The following XYLT1 variants were observed in gnomAD, a reference collection of about 807,000 sequenced individuals.
XYLT1 encodes xylosyltransferase 1.
Under a neutral mutation model 91.3 loss-of-function variants are expected in XYLT1, and 36 were observed. The observed-to-expected ratio is 0.39, with a 90% CI of 0.30 to 0.52. XYLT1 has a LOEUF of 0.52. Ranked by LOEUF, XYLT1 falls within the 20% of genes least tolerant of loss-of-function variation. XYLT1 has a pLI of 0.68. For synonymous variants in XYLT1, 588 were observed against 532.0 expected, an observed-to-expected ratio of 1.11 and a Z score of -1.45; for missense variants, 1,242 against 1,284.5, an observed-to-expected ratio of 0.97 and a Z score of 0.51.
chr16:17,241,944 C>A (rs895042437), intron 3 of XYLT1, among the ~76,000 whole-genome samples: 1 of 152,162 alleles, frequency 6.6e-6, no homozygotes, highest in African/African-American at 2.4e-5. Context: ...GCGGGGAAGA[C>A]CTCACAAGTA....
intron 2 of XYLT1, among the ~76,000 whole-genome samples, chr16:17,290,845 T>G (rs1167591042): frequency 6.6e-6 from 1 of 152,236 alleles, no homozygotes; most frequent in Non-Finnish European, 1.5e-5. Flanking sequence ...GGTGATCAGA[T>G]AGAGGTGGTT....
intron 3 of XYLT1, among the ~76,000 whole-genome samples, chr16:17,239,121 C>A (rs902671477): frequency 2.6e-5 from 4 of 152,200 alleles, no homozygotes; most frequent in Non-Finnish European, 5.9e-5. Flanking sequence ...CTTAATTGAA[C>A]CTATTGTCAT....
chr16:17,310,143 T>G (rs984808978), intron 2 of XYLT1, among the ~76,000 whole-genome samples: 1 of 152,194 alleles, frequency 6.6e-6, no homozygotes, highest in Non-Finnish European at 1.5e-5. Context: ...CTTTCCTGAT[T>G]CCTCAGTCTC....
chr16:17,374,603 G>A (rs553967848), intron 1 of XYLT1, among the ~76,000 whole-genome samples: 10 of 149,426 alleles, frequency 6.7e-5, no homozygotes, highest in East Asian at 3.9e-4. Context: ...CTACCATGCC[G>A]TACTAATTAT....
At chr16:17,301,899 G>A (rs2034401523) in intron 2 of XYLT1, among the ~76,000 whole-genome samples, 1 of 152,076 alleles carries the variant, frequency 6.6e-6, no homozygotes, top group Non-Finnish European at 1.5e-5. Flanking sequence ...TGGTCTGTTT[G>A]TTCTGGTAGC....
chr16:17,137,324 AAC>A (rs2030771950), intron 8 of XYLT1, among the ~76,000 whole-genome samples: 1 of 152,268 alleles, frequency 6.6e-6, no homozygotes, highest in Admixed American at 6.5e-5. Context: ...GAGGAGATCA[AAC>A]ACAAACAAAC....
chr16:17,331,496 A>G (rs956941040), intron 2 of XYLT1, among the ~76,000 whole-genome samples: 1 of 101,856 alleles, frequency 9.8e-6, no homozygotes, highest in African/African-American at 3.3e-5. Context: ...GAGTTTGCTC[A>G]ACAGACACAC....
chr16:17,255,294 C>A (rs1389576043), intron 3 of XYLT1, among the ~76,000 whole-genome samples: 1 of 151,992 alleles, frequency 6.6e-6, no homozygotes, highest in Non-Finnish European at 1.5e-5. Flanking sequence ...CCACCACACC[C>A]AGCCAGCCTA....
intron 1 of XYLT1, among the ~76,000 whole-genome samples, chr16:17,468,560 A>G (rs2036931483): frequency 6.6e-6 from 1 of 152,122 alleles, no homozygotes. Context: ...TACCTCCCCA[A>G]CCGCAGATCT....
intron 3 of XYLT1, among the ~76,000 whole-genome samples, chr16:17,254,099 G>A (rs575007745): frequency 2.0e-5 from 3 of 152,336 alleles, no homozygotes; most frequent in South Asian, 2.1e-4. Flanking sequence ...TAGGGCTGGT[G>A]TGGGGACACA....
At chr16:17,416,778 G>A (rs1182610189) in intron 1 of XYLT1, among the ~76,000 whole-genome samples, 8 of 152,176 alleles carry the variant, frequency 5.3e-5, no homozygotes, top group African/African-American at 7.2e-5. Flanking sequence ...CATCTGCACC[G>A]TGGTGAAACA....
intron 2 of XYLT1, among the ~76,000 whole-genome samples, chr16:17,291,912 C>T (rs945303063): frequency 6.6e-6 from 1 of 151,996 alleles, no homozygotes; most frequent in Non-Finnish European, 1.5e-5. Flanking sequence ...GATGGCCAGG[C>T]ACGGTAGCTG....
chr16:17,108,882 G>C lies in XYLT1; in HGVS notation c.2693C>G (p.Thr898Arg). 1 of 1,611,628 alleles carries C rather than the reference G, an allele frequency of 6.2e-7. No individual in the cohort carries two copies. The highest frequency in any genetic ancestry group is 1.1e-5 in the South Asian group (1 of 90,806). The stretch of plus-strand genomic sequence containing the variant: ...CAGCCATCCCTCCAGCGCTGTGCCC[G>C]TGGAGGCTGCGTTCCTCCGTGCCTG... ...VEQARRNAASTGTALEGWLDS... is the reference protein window; with the variant it reads ...VEQARRNAASRGTALEGWLDS... The change falls in exon 12 of 12, where the codon ACG (threonine) becomes AGG (arginine). Residue 898 changes from threonine (T) to arginine (R), a missense_variant. Around this residue, in one of 3 missense-constraint regions of XYLT1, gnomAD observed 511 missense variants for 497.0 expected, o/e 1.03. Coordinates refer to ENST00000261381, the MANE Select transcript of XYLT1 (RefSeq NM_022166.4).
At chr16:17,459,778 C>G (rs1322529377) in intron 1 of XYLT1, among the ~76,000 whole-genome samples, 1 of 152,164 alleles carries the variant, frequency 6.6e-6, no homozygotes, top group East Asian at 1.9e-4. Context: ...ATCTGTCTTT[C>G]CCCCTGCTGT....
intron 1 of XYLT1, among the ~76,000 whole-genome samples, chr16:17,377,245 TTAAC>T (rs1316962904): frequency 1.3e-5 from 2 of 149,844 alleles, no homozygotes; most frequent in African/African-American, 5.1e-5. Context: ...AAGGCTCAGA[TTAAC>T]TAATAACTCA....
chr16:17,193,697 C>T (rs1483708834), intron 5 of XYLT1: 2 of 152,270 alleles, frequency 1.3e-5, no homozygotes, highest in African/African-American at 4.8e-5. Context: ...TAAGTTTGCT[C>T]ATTCTTTCTG....
intron 2 of XYLT1, among the ~76,000 whole-genome samples, chr16:17,336,768 G>A (rs62030298): frequency 0.012 from 1,839 of 152,270 alleles, 16 homozygotes; most frequent in Non-Finnish European, 0.019. Flanking sequence ...AGGGACTTTC[G>A]TATGTGTGTC....
chr16:17,114,830 T>TC (rs1325731498), intron 11 of XYLT1, among the ~76,000 whole-genome samples: 2 of 150,990 alleles, frequency 1.3e-5, no homozygotes, highest in Non-Finnish European at 3.0e-5. Context: ...ACATACAATT[T>TC]TTTTTTCTTT....
intron 1 of XYLT1, among the ~76,000 whole-genome samples, chr16:17,361,027 C>T (rs756079800): frequency 2.0e-5 from 3 of 152,210 alleles, no homozygotes; most frequent in South Asian, 2.1e-4. Flanking sequence ...GGCCCTCATT[C>T]GTCACAGCTC....
Sources: allele counts gnomAD v4.1 joint callset (sites outside exome capture counted in the v4.1 genomes callset), GRCh38; gene constraint gnomAD v4.1.1; regional missense constraint gnomAD v4.1.1; transcripts MANE v1.5; gene names NCBI Gene and HGNC (gene_info 2026-07-23, HGNC 2026-07-21).